The following LIPC variants were observed in gnomAD, a reference collection of about 807,000 sequenced individuals.
LIPC encodes hepatic triacylglycerol lipase.
Under a neutral mutation model 50.7 loss-of-function variants are expected in LIPC, and 44 were observed. The observed-to-expected ratio is 0.87, with a 90% confidence interval of 0.68 to 1.11. LIPC has a LOEUF of 1.11. Among genes scored for constraint, LIPC ranks in the 50% most tolerant of loss-of-function variants. The pLI, the probability that LIPC is intolerant of heterozygous loss-of-function variation, is 0.00. For synonymous variants in LIPC, 271 were observed against 256.4 expected, an observed-to-expected ratio of 1.06 and a Z score of -0.54; for missense variants, 697 against 648.2, an observed-to-expected ratio of 1.08 and a Z score of -0.82.
Position 58,568,971 on chromosome 15 carries a change from T to C in LIPC, c.*144T>C, listed in dbSNP as rs1894474745. 1.8e-6 allele frequency: 1 copy of C among 554,730 alleles called. No homozygotes were observed. Among genetic ancestry groups the C allele is most frequent in the Non-Finnish European group, 3.2e-6 (1 of 317,088 alleles). 34.4% of individuals were successfully genotyped at this position (554,730 alleles called of 1,614,324 possible). A position where few individuals can be genotyped will look rare whatever the true frequency, so the allele number is the denominator to read the frequency against. On this transcript the variant is annotated 3_prime_UTR_variant, in exon 9 of 9. Coordinates refer to ENST00000299022, the MANE Select transcript of LIPC (RefSeq NM_000236.3). ...GATTTAAGGGGGGTATGTTTCACTC[T>C]CATAAACTGAGCTTTTAAAAACGAT...
intron 1 of LIPC, among the ~76,000 whole-genome samples, chr15:58,534,942 T>C (rs879390390): frequency 3.3e-5 from 5 of 152,224 alleles, no homozygotes; most frequent in African/African-American, 1.2e-4. Flanking sequence ...ATTCTGTTTG[T>C]TTCTACCTCT....
chr15:58,567,265 A>ATGTGTG (rs113085870), intron 8 of LIPC, among the ~76,000 whole-genome samples: 36,027 of 115,900 alleles, frequency 0.31, 7,858 homozygotes, highest in Non-Finnish European at 0.44. Context: ...ATATATGTAT[A>ATGTGTG]TGTGTGTGTG....
chr15:58,438,104 T>C (rs1358038125), intron 1 of LIPC, among the ~76,000 whole-genome samples: 3 of 151,676 alleles, frequency 2.0e-5, no homozygotes, highest in African/African-American at 7.3e-5. Flanking sequence ...GCCAAATGAG[T>C]GCGCAGCCAA....
intron 1 of LIPC, among the ~76,000 whole-genome samples, chr15:58,508,896 C>T (rs1400861062): frequency 2.6e-5 from 4 of 151,810 alleles, no homozygotes; most frequent in African/African-American, 7.3e-5. Context: ...ATCCTTTCTT[C>T]TCTCCTAGGC....
intron 1 of LIPC, among the ~76,000 whole-genome samples, chr15:58,458,671 C>A (rs529084899): frequency 1.3e-5 from 2 of 152,254 alleles, no homozygotes; most frequent in African/African-American, 4.8e-5. Context: ...GGTTTCTTTC[C>A]CCATCAGAAA....
At chr15:58,440,762 T>C (rs1437027625) in intron 1 of LIPC, among the ~76,000 whole-genome samples, 1 of 152,062 alleles carries the variant, frequency 6.6e-6, no homozygotes. Context: ...GGAGGTGATA[T>C]CTGAGTTGAA....
intron 1 of LIPC, among the ~76,000 whole-genome samples, chr15:58,508,648 C>T (rs903507285): frequency 2.0e-5 from 3 of 152,118 alleles, no homozygotes; most frequent in East Asian, 3.9e-4. Flanking sequence ...TGTATTCATC[C>T]CCAAACTCTA....
At chr15:58,455,437 G>GA (rs1198263146) in intron 1 of LIPC, among the ~76,000 whole-genome samples, 6 of 151,748 alleles carry the variant, frequency 4.0e-5, no homozygotes, top group East Asian at 1.9e-4. Context: ...GAGAGCCATA[G>GA]AAAAAAAATG....
chr15:58,462,791 C>T (rs919003213), intron 1 of LIPC, among the ~76,000 whole-genome samples: 1 of 152,184 alleles, frequency 6.6e-6, no homozygotes, highest in African/African-American at 2.4e-5. Flanking sequence ...CTATAAGGAA[C>T]CCACTGGCTG....
At chr15:58,494,108 G>T (rs1891685570) in intron 1 of LIPC, among the ~76,000 whole-genome samples, 1 of 152,222 alleles carries the variant, frequency 6.6e-6, no homozygotes. Context: ...TCAGTTCCTT[G>T]CCATGGGGGC....
chr15:58,534,317 C>T (rs1893047784), intron 1 of LIPC, among the ~76,000 whole-genome samples: 1 of 152,148 alleles, frequency 6.6e-6, no homozygotes, highest in Non-Finnish European at 1.5e-5. Flanking sequence ...CTTGAAGCCA[C>T]GGGCTTCCCT....
At chr15:58,460,083 C>G (rs980685434) in intron 1 of LIPC, among the ~76,000 whole-genome samples, 4 of 152,228 alleles carry the variant, frequency 2.6e-5, no homozygotes, top group Non-Finnish European at 2.9e-5. Context: ...TACGTCTGAG[C>G]ACCCTGTAGG....
intron 1 of LIPC, among the ~76,000 whole-genome samples, chr15:58,458,845 GT>G (rs1566914198): frequency 2.0e-5 from 3 of 152,144 alleles, no homozygotes; most frequent in Non-Finnish European, 1.5e-5. Flanking sequence ...TTTACAGAGG[GT>G]TTTTTGCCAC....
At chr15:58,541,405 A>G (rs1214724316) in intron 2 of LIPC, among the ~76,000 whole-genome samples, 1 of 150,658 alleles carries the variant, frequency 6.6e-6, no homozygotes, top group Non-Finnish European at 1.5e-5. Context: ...AGCTTCCAGG[A>G]CCTGATTTAC....
At chr15:58,476,424 T>C (rs1301170403) in intron 1 of LIPC, among the ~76,000 whole-genome samples, 1 of 152,242 alleles carries the variant, frequency 6.6e-6, no homozygotes, top group Non-Finnish European at 1.5e-5. Flanking sequence ...GCAGTCTGGT[T>C]CCTCCTGATT....
rs751699159 is a variant in LIPC, at chr15:58,432,124, A to G, written c.88+4A>G. 2 of 1,605,064 alleles carry G rather than the reference A, an allele frequency of 1.2e-6. No individual in the cohort carries two copies. The highest frequency in any genetic ancestry group is 1.7e-6 in the Non-Finnish European group (2 of 1,171,848). On this transcript the variant is annotated splice_donor_region_variant and intron_variant, in intron 1 of 8. Coordinates refer to ENST00000299022, the MANE Select transcript of LIPC (RefSeq NM_000236.3). ...CTTGGACAAAGCCTGAAACCAGGTAAGAGCCTGACTTTTCTCCAGAGATGG... is the reference window on the plus strand; with the variant it reads ...CTTGGACAAAGCCTGAAACCAGGTAGGAGCCTGACTTTTCTCCAGAGATGG...
At chr15:58,506,513 C>T (rs1267128344) in intron 1 of LIPC, among the ~76,000 whole-genome samples, 1 of 152,222 alleles carries the variant, frequency 6.6e-6, no homozygotes, top group Non-Finnish European at 1.5e-5. Flanking sequence ...CCAAACCACT[C>T]TGCCTATTCC....
chr15:58,444,936 G>C (rs483140), intron 1 of LIPC, among the ~76,000 whole-genome samples: 35,775 of 152,188 alleles, frequency 0.24, 4,477 homozygotes, highest in Non-Finnish European at 0.28. Context: ...TCTCCGGAAG[G>C]CTTCCGCGTT....
intron 6 of LIPC, among the ~76,000 whole-genome samples, chr15:58,557,614 T>C (rs1291495926): frequency 1.3e-5 from 2 of 152,092 alleles, no homozygotes; most frequent in African/African-American, 4.8e-5. Flanking sequence ...CTCGATCTGT[T>C]GACCTCGTGA....
Sources: gnomAD v4.1 joint callset for allele counts (sites outside exome capture counted in the v4.1 genomes callset) on GRCh38, gnomAD v4.1.1 for gene constraint, MANE v1.5 for transcripts, NCBI Gene and HGNC (gene_info 2026-07-23, HGNC 2026-07-21) for gene names.